TCF7L2: variants seen among roughly 807,000 people sequenced by gnomAD.
TCF7L2 encodes transcription factor 7-like 2.
TCF7L2 carries 23 observed loss-of-function variants against 77.9 expected under a neutral mutation model. The ratio of observed to expected loss-of-function variants is 0.30; its 90% CI spans 0.21 to 0.42. The LOEUF is 0.42. Among genes scored for constraint, TCF7L2 ranks in the 10% least tolerant of loss-of-function variants. TCF7L2 has a pLI of 1.00. For missense variants in TCF7L2, 654 were observed against 793.1 expected (o/e 0.82, Z 2.11); for synonymous variants, 413 against 340.2 (o/e 1.21, Z -2.36).
intron 5 of TCF7L2, among the ~76,000 whole-genome samples, chr10:113,139,450 C>T (rs1210571247): frequency 6.6e-6 from 1 of 152,198 alleles, no homozygotes; most frequent in East Asian, 1.9e-4. Context: ...CCTGCCCCGC[C>T]CTTCATGGCT....
At chr10:113,061,768 A>G (rs61872790) in intron 5 of TCF7L2, among the ~76,000 whole-genome samples, 17,492 of 152,222 alleles carry the variant, frequency 0.11, 1,264 homozygotes, top group Middle Eastern at 0.24. Flanking sequence ...TTTTCTTGAC[A>G]AAGGGAATTC....
intron 5 of TCF7L2, among the ~76,000 whole-genome samples, chr10:113,096,866 C>T (rs187299251): frequency 2.6e-5 from 4 of 152,168 alleles, no homozygotes; most frequent in South Asian, 2.1e-4. Flanking sequence ...GGGAAAGCAA[C>T]GAAGACACCA....
At chr10:113,082,176 G>A (rs1264606528) in intron 5 of TCF7L2, among the ~76,000 whole-genome samples, 9 of 148,436 alleles carry the variant, frequency 6.1e-5, no homozygotes, top group Non-Finnish European at 1.5e-5. Context: ...CTCAAGTTCA[G>A]ATAATGTTAA....
intron 5 of TCF7L2, among the ~76,000 whole-genome samples, chr10:113,093,273 G>A (rs1198788400): frequency 6.6e-6 from 1 of 152,144 alleles, no homozygotes; most frequent in Non-Finnish European, 1.5e-5. Context: ...AGGTAACTGA[G>A]CCAGAGAGAG....
At position 112,974,038 on chromosome 10, in the gene TCF7L2, A is replaced by G. The variant is rs1195816426; in HGVS notation, c.450+9414A>G. 2.6e-5 allele frequency among the ~76,000 whole-genome samples: 4 copies of G among 152,270 alleles called. No homozygotes were observed. In the South Asian group the frequency reaches 6.2e-4, roughly 24 times the overall value. On this transcript the variant is annotated intron_variant, in intron 4 of 13. Transcript: ENST00000627217. ...TGGACACGGGACAAGACAAGAATCC[A>G]GGAGTCCAGTGCAGCTATCTTTCAA...
intron 4 of TCF7L2, among the ~76,000 whole-genome samples, chr10:112,989,196 T>A (rs2042094100): frequency 6.6e-6 from 1 of 152,004 alleles, no homozygotes; most frequent in African/African-American, 2.4e-5. Context: ...GAAAGCCTCT[T>A]TTTTCCAAGG....
At chr10:113,148,518 G>A (rs2070002349) in intron 8 of TCF7L2, among the ~76,000 whole-genome samples, 2 of 152,214 alleles carry the variant, frequency 1.3e-5, no homozygotes, top group African/African-American at 4.8e-5. Flanking sequence ...AAGGCCGGCA[G>A]ATGACATCCG....
chr10:112,982,704 T>C (rs2040703706), intron 4 of TCF7L2, among the ~76,000 whole-genome samples: 1 of 152,174 alleles, frequency 6.6e-6, no homozygotes, highest in African/African-American at 2.4e-5. Flanking sequence ...CATTGCAGCC[T>C]CCATCCACCT....
chr10:113,009,092 G>T (rs2046035206), intron 4 of TCF7L2, among the ~76,000 whole-genome samples: 1 of 152,082 alleles, frequency 6.6e-6, no homozygotes, highest in African/African-American at 2.4e-5. Flanking sequence ...GGTACCACCA[G>T]GCCCGACTAA....
intron 4 of TCF7L2, among the ~76,000 whole-genome samples, chr10:112,996,218 T>C (rs994358819): frequency 6.6e-6 from 1 of 152,118 alleles, no homozygotes; most frequent in African/African-American, 2.4e-5. Context: ...AAGTGAATGT[T>C]GTGCATTGAG....
chr10:113,036,154 TCATCATC>T (rs2051200634), intron 4 of TCF7L2, among the ~76,000 whole-genome samples: 1 of 143,160 alleles, frequency 7.0e-6, no homozygotes, highest in Non-Finnish European at 1.5e-5. Flanking sequence ...ATCATCATCA[TCATCATC>T]ATCTGCCCTT....
At chr10:113,002,529 C>T (rs1212252084) in intron 4 of TCF7L2, among the ~76,000 whole-genome samples, 2 of 151,950 alleles carry the variant, frequency 1.3e-5, no homozygotes, top group Admixed American at 1.3e-4. Context: ...GTGGAGAAGC[C>T]CTGGCTGTGT....
At chr10:113,072,229 G>A (rs1031117540) in intron 5 of TCF7L2, among the ~76,000 whole-genome samples, 2 of 151,662 alleles carry the variant, frequency 1.3e-5, no homozygotes, top group African/African-American at 2.4e-5. Context: ...CTAATTTTTT[G>A]TATTTTTAGC....
chr10:113,143,828 TG>T (rs1237307961), intron 6 of TCF7L2, 94 bp from the exon 7 acceptor site: 1 of 823,190 alleles, frequency 1.2e-6, no homozygotes, highest in Non-Finnish European at 1.9e-6. Context: ...CCAGAAGAGA[TG>T]CGTCTCTTCC....
At chr10:113,113,732 A>G (rs2063412740) in intron 5 of TCF7L2, among the ~76,000 whole-genome samples, 3 of 152,202 alleles carry the variant, frequency 2.0e-5, no homozygotes, top group Admixed American at 6.5e-5. Context: ...GTTTCCCATT[A>G]GAGATAAATA....
In TCF7L2 at chr10:113,107,711, A is replaced by G. The variant is rs1005033029; in HGVS notation, c.553-33473A>G. 7.2e-5 allele frequency among the ~76,000 whole-genome samples: 10 copies of G among 138,288 alleles called. No individual in the cohort carries two copies. In the East Asian group the frequency reaches 1.1e-3, roughly 16 times the overall value. The allele number at this position is 138,288 out of a possible 152,430, so 90.7% of individuals were successfully genotyped here. On this transcript the variant is annotated intron_variant, in intron 5 of 13. Coordinates refer to ENST00000627217, the MANE Select transcript of TCF7L2 (RefSeq NM_001146274.2). The stretch of plus-strand genomic sequence containing the variant: ...CGAGCTTGCAGTGAGCCGAGATCGC[A>G]CCAGTGCACTCCAGCCTGGGCGACC...
chr10:113,068,163 A>G (rs553653302), intron 5 of TCF7L2, among the ~76,000 whole-genome samples: 1 of 152,316 alleles, frequency 6.6e-6, no homozygotes, highest in African/African-American at 2.4e-5. Context: ...ACACGTGAAA[A>G]CACTCTAGAT....
intron 5 of TCF7L2, among the ~76,000 whole-genome samples, chr10:113,119,543 T>A (rs1056742339): frequency 2.0e-5 from 3 of 152,092 alleles, no homozygotes; most frequent in Non-Finnish European, 4.4e-5. Context: ...AAAGAAACCA[T>A]GTTGGCACTA....
intron 4 of TCF7L2, among the ~76,000 whole-genome samples, chr10:112,968,634 A>G (rs1004405105): frequency 6.6e-6 from 1 of 152,084 alleles, no homozygotes; most frequent in African/African-American, 2.4e-5. Flanking sequence ...GCTGGAGTGC[A>G]GTGGCGTGAT....
Sources: allele counts gnomAD v4.1 joint callset (sites outside exome capture counted in the v4.1 genomes callset), GRCh38; gene constraint gnomAD v4.1.1; transcripts MANE v1.5; gene names NCBI Gene and HGNC (gene_info 2026-07-23, HGNC 2026-07-21).